DOCK3: variants seen among roughly 807,000 people sequenced by gnomAD.
DOCK3 encodes dedicator of cytokinesis protein 3.
A neutral mutation model predicts 265.6 loss-of-function variants in DOCK3; 60 were observed. The ratio of observed to expected loss-of-function variants is 0.23; its 90% CI spans 0.18 to 0.28. The LOEUF is 0.28. Ranked by LOEUF, DOCK3 falls within the 10% of genes least tolerant of loss-of-function variation. The probability of loss-of-function intolerance (pLI) is 1.00; values close to 1 mark genes in which losing one functional copy is unlikely to be tolerated. For missense variants in DOCK3, 1,981 were observed against 2,594.3 expected (o/e 0.76, Z 5.14); for synonymous variants, 881 against 938.0 (o/e 0.94, Z 1.11).
chr3:51,381,534 G>T lies in DOCK3; in HGVS notation c.6068G>T (p.Trp2023Leu). Residue 2023 changes from tryptophan (W) to leucine (L), a missense_variant, in exon 53 of 53, where the codon TGG becomes TTG. By Grantham distance (61) the Trp-to-Leu change is moderately conservative. This residue lies in a region of DOCK3 where 149 missense variants were observed against 144.7 expected (regional missense o/e 1.03). Coordinates refer to ENST00000266037, the MANE Select transcript of DOCK3 (RefSeq NM_004947.5). This position sits in a 1 kb window ranked among gnomAD's most constrained non-coding sequence, Gnocchi z 5.6. The part of the protein sequence containing the change: ...SAKEEQARMA[W>L]EHGRGEQ ...AAGGAGGAGCAGGCCCGCATGGCCT[G>T]GGAGCACGGCCGAGGGGAGCAGTGA... 1 of 1,558,358 alleles carries T rather than the reference G, an allele frequency of 6.4e-7. No homozygotes were observed. The highest frequency in any genetic ancestry group is 2.3e-5 in the East Asian group (1 of 43,122).
intron 22 of DOCK3, among the ~76,000 whole-genome samples, chr3:51,251,873 C>A (rs943058369): frequency 6.6e-6 from 1 of 152,108 alleles, no homozygotes; most frequent in East Asian, 1.9e-4. Flanking sequence ...TAATTAGATC[C>A]CATTGGTCAA....
chr3:50,724,214 T>C (rs1370493269), intron 1 of DOCK3, among the ~76,000 whole-genome samples: 1 of 152,212 alleles, frequency 6.6e-6, no homozygotes, highest in Non-Finnish European at 1.5e-5. Flanking sequence ...GGAGAGGATG[T>C]GCAGAAATAG....
intron 3 of DOCK3, among the ~76,000 whole-genome samples, chr3:50,867,840 A>G (rs897421781): frequency 1.3e-5 from 2 of 152,080 alleles, no homozygotes; most frequent in Admixed American, 6.5e-5. Flanking sequence ...TATTTTGTTG[A>G]GGATGTTTGC....
intron 10 of DOCK3, among the ~76,000 whole-genome samples, chr3:51,158,223 C>T (rs1159894728): frequency 6.6e-6 from 1 of 152,138 alleles, no homozygotes; most frequent in Non-Finnish European, 1.5e-5. Flanking sequence ...CATCAACAAA[C>T]ATTTCAACAT....
At chr3:50,813,845 C>T (rs1159896055) in intron 2 of DOCK3, among the ~76,000 whole-genome samples, 1 of 152,140 alleles carries the variant, frequency 6.6e-6, no homozygotes, top group African/African-American at 2.4e-5. Context: ...GCAGAATACT[C>T]ACTATATGAA....
chr3:50,825,258 T>C (rs2044690886), intron 2 of DOCK3, among the ~76,000 whole-genome samples: 1 of 152,208 alleles, frequency 6.6e-6, no homozygotes, highest in African/African-American at 2.4e-5. Flanking sequence ...AAATGTCATA[T>C]ACCCATAAGG....
At chr3:51,255,728 C>A (rs1485340687) in intron 22 of DOCK3, among the ~76,000 whole-genome samples, 3 of 152,170 alleles carry the variant, frequency 2.0e-5, no homozygotes, top group Non-Finnish European at 4.4e-5. Context: ...CATTTAAGGT[C>A]TTCTCTATGC....
chr3:51,249,539 C>T (rs796790686), intron 22 of DOCK3, among the ~76,000 whole-genome samples: 4 of 99,196 alleles, frequency 4.0e-5, no homozygotes, highest in East Asian at 3.0e-4. Context: ...CCGCCCGGTC[C>T]GGGAGGGAGG....
At chr3:51,148,055 T>G (rs1178210420) in intron 10 of DOCK3, among the ~76,000 whole-genome samples, 2 of 152,200 alleles carry the variant, frequency 1.3e-5, no homozygotes, top group Non-Finnish European at 2.9e-5. Flanking sequence ...AGATGGTATC[T>G]CATTGTGATT....
chr3:50,842,877 T>C (rs139558600), intron 3 of DOCK3, among the ~76,000 whole-genome samples: 360 of 152,372 alleles, frequency 2.4e-3, no homozygotes, highest in African/African-American at 8.3e-3. Context: ...AGGAATCTTA[T>C]AAATGAATAG....
intron 1 of DOCK3, among the ~76,000 whole-genome samples, chr3:50,751,598 T>A (rs191355860): frequency 5.1e-4 from 78 of 152,360 alleles, no homozygotes; most frequent in Non-Finnish European, 4.4e-5. Context: ...CTTATTATGA[T>A]ACCACAAAAA....
intron 4 of DOCK3, among the ~76,000 whole-genome samples, chr3:50,909,041 C>G (rs1175250621): frequency 6.6e-6 from 1 of 150,854 alleles, no homozygotes; most frequent in Non-Finnish European, 1.5e-5. Flanking sequence ...GTGATCCCTG[C>G]TTTTTTTTTG....
intron 10 of DOCK3, among the ~76,000 whole-genome samples, chr3:51,157,621 T>C (rs1378406580): frequency 6.6e-6 from 1 of 152,126 alleles, no homozygotes; most frequent in Non-Finnish European, 1.5e-5. Flanking sequence ...GGGACTAGGC[T>C]AAGGCAAACA....
chr3:50,773,140 C>G (rs2041378415), intron 1 of DOCK3, among the ~76,000 whole-genome samples: 1 of 152,046 alleles, frequency 6.6e-6, no homozygotes, highest in Non-Finnish European at 1.5e-5. Flanking sequence ...TCCACAGTTA[C>G]AGCCAACTTA....
chr3:50,828,652 G>A (rs981605552), intron 2 of DOCK3, among the ~76,000 whole-genome samples: 5 of 151,598 alleles, frequency 3.3e-5, no homozygotes, highest in East Asian at 3.9e-4. Flanking sequence ...TGATCTGCCC[G>A]CCTTGGCCCC....
chr3:51,354,581 T>C (rs2086236051), intron 40 of DOCK3, among the ~76,000 whole-genome samples: 1 of 152,200 alleles, frequency 6.6e-6, no homozygotes, highest in Admixed American at 6.5e-5. Context: ...GGACGTTTTT[T>C]TAACATAGCT....
At chr3:51,326,583 T>TTTGTTGTTGTTG (rs148344271) in intron 32 of DOCK3, among the ~76,000 whole-genome samples, 1 of 139,998 alleles carries the variant, frequency 7.1e-6, no homozygotes, top group Non-Finnish European at 1.5e-5. Flanking sequence ...CCTGGCATGT[T>TTTGTTGTTGTTG]TTGTTGTTGT....
intron 5 of DOCK3, among the ~76,000 whole-genome samples, chr3:51,033,448 CT>C (rs2080133470): frequency 6.6e-6 from 1 of 152,160 alleles, no homozygotes; most frequent in Non-Finnish European, 1.5e-5. Flanking sequence ...TTTGATTGTG[CT>C]TTGTCTTCAG....
intron 14 of DOCK3, among the ~76,000 whole-genome samples, chr3:51,217,104 TTAA>T (rs2089832020): frequency 6.6e-6 from 1 of 152,182 alleles, no homozygotes; most frequent in Admixed American, 6.5e-5. Context: ...GATCCTTATT[TTAA>T]AACTATCCAG....
Sources: gnomAD v4.1 joint callset for allele counts (sites outside exome capture counted in the v4.1 genomes callset) on GRCh38, gnomAD v4.1.1 for gene constraint, gnomAD v4.1.1 regional missense constraint, Gnocchi (gnomAD v3.1) non-coding constraint, MANE v1.5 for transcripts, NCBI Gene and HGNC (gene_info 2026-07-23, HGNC 2026-07-21) for gene names.